The following GPC6 variants were observed in gnomAD, a reference collection of about 807,000 sequenced individuals.
GPC6 encodes the protein glypican 6.
A neutral mutation model predicts 55.2 loss-of-function variants in GPC6; 14 were observed. The observed-to-expected ratio is 0.25, with a 90% CI of 0.17 to 0.40. The LOEUF (loss-of-function observed/expected upper bound fraction) is 0.40, where lower values mean the gene tolerates loss of function less well. Ranked by LOEUF, GPC6 falls within the 10% of genes least tolerant of loss-of-function variation. The pLI is 1.00. For synonymous variants in GPC6, 278 were observed against 259.6 expected, an observed-to-expected ratio of 1.07 and a Z score of -0.68; for missense variants, 641 against 708.5, an observed-to-expected ratio of 0.90 and a Z score of 1.08.
intron 4 of GPC6, among the ~76,000 whole-genome samples, chr13:94,284,048 G>C (rs1892460539): frequency 6.6e-6 from 1 of 152,160 alleles, no homozygotes; most frequent in Non-Finnish European, 1.5e-5. Context: ...GCTTTCCTTA[G>C]CCCCAAGGTG....
At chr13:94,295,897 CT>C (rs1348577378) in intron 5 of GPC6, among the ~76,000 whole-genome samples, 1 of 151,708 alleles carries the variant, frequency 6.6e-6, no homozygotes, top group Non-Finnish European at 1.5e-5. Context: ...TTCACAGTAT[CT>C]TCTCTATTCA....
intron 3 of GPC6, among the ~76,000 whole-genome samples, chr13:94,008,018 C>G (rs374308333): frequency 1.3e-5 from 2 of 152,164 alleles, no homozygotes; most frequent in East Asian, 1.9e-4. Context: ...AATATTCATT[C>G]CAAAATATCA....
At chr13:94,128,364 C>T (rs1886895156) in intron 4 of GPC6, among the ~76,000 whole-genome samples, 1 of 152,130 alleles carries the variant, frequency 6.6e-6, no homozygotes, top group Non-Finnish European at 1.5e-5. Context: ...CACAATAGAT[C>T]ACTGTATCTG....
At chr13:94,073,628 C>G (rs978207607) in intron 4 of GPC6, among the ~76,000 whole-genome samples, 1 of 152,134 alleles carries the variant, frequency 6.6e-6, no homozygotes, top group Non-Finnish European at 1.5e-5. Flanking sequence ...TCAGATTACA[C>G]GGAGATTCTG....
chr13:93,592,206 C>T (rs1288990199), intron 2 of GPC6, among the ~76,000 whole-genome samples: 1 of 151,074 alleles, frequency 6.6e-6, no homozygotes, highest in African/African-American at 2.4e-5. Flanking sequence ...TTTTTTTGAA[C>T]TGGAGTGTTG....
intron 7 of GPC6, among the ~76,000 whole-genome samples, chr13:94,386,165 C>CT (rs1170522366): frequency 6.6e-6 from 1 of 151,942 alleles, no homozygotes; most frequent in African/African-American, 2.4e-5. Flanking sequence ...CGAGACCATC[C>CT]TGGCTAACAT....
At chr13:93,606,264 G>C (rs1318243196) in intron 2 of GPC6, among the ~76,000 whole-genome samples, 1 of 152,172 alleles carries the variant, frequency 6.6e-6, no homozygotes, top group East Asian at 1.9e-4. Flanking sequence ...AACATGTGCT[G>C]ACTTTCAATG....
intron 1 of GPC6, among the ~76,000 whole-genome samples, chr13:93,370,572 C>T (rs1881412298): frequency 6.6e-6 from 1 of 152,032 alleles, no homozygotes; most frequent in Non-Finnish European, 1.5e-5. Flanking sequence ...TCAGTTAATT[C>T]AGGGGTTCCA....
At chr13:93,444,195 C>CTTCTTTTTTTTTTTTTTTTTTTTTTT (rs755978023) in intron 1 of GPC6, among the ~76,000 whole-genome samples, 1 of 110,706 alleles carries the variant, frequency 9.0e-6, no homozygotes, top group Non-Finnish European at 1.9e-5. Flanking sequence ...TGCAATTCTT[C>CTTCTTTTTTTTTTTTTTTTTTTTTTT]TTTTTTTTTT....
At chr13:93,635,978 G>A (rs1351769940) in intron 2 of GPC6, among the ~76,000 whole-genome samples, 1 of 152,020 alleles carries the variant, frequency 6.6e-6, no homozygotes, top group Non-Finnish European at 1.5e-5. Context: ...TTCTTTCAAG[G>A]AGAGGACAAA....
chr13:93,459,818 G>T (rs1566368857), intron 1 of GPC6, among the ~76,000 whole-genome samples: 1 of 152,146 alleles, frequency 6.6e-6, no homozygotes, highest in Non-Finnish European at 1.5e-5. Flanking sequence ...TAGTGCTACT[G>T]GATTTTAATA....
intron 1 of GPC6, among the ~76,000 whole-genome samples, chr13:93,457,516 T>C (rs1397697223): frequency 6.6e-6 from 1 of 152,176 alleles, no homozygotes; most frequent in Non-Finnish European, 1.5e-5. Context: ...TTCTTAAATT[T>C]CAGTGGGGTT....
chr13:94,398,775 A>T, intron 8 of GPC6, 134 bp downstream of exon 8: 2 of 774,602 alleles, frequency 2.6e-6, no homozygotes, highest in Middle Eastern at 2.3e-4. Flanking sequence ...GATTCTTGTT[A>T]TAGTCTTTTG....
chr13:93,265,049 C>T (rs1171362231), intron 1 of GPC6, among the ~76,000 whole-genome samples: 8 of 152,030 alleles, frequency 5.3e-5, no homozygotes, highest in African/African-American at 1.9e-4. Flanking sequence ...TTAAATCTGG[C>T]CTGCTTTATT....
At chr13:93,457,030 C>T (rs1878479606) in intron 1 of GPC6, among the ~76,000 whole-genome samples, 1 of 152,170 alleles carries the variant, frequency 6.6e-6, no homozygotes, top group Non-Finnish European at 1.5e-5. Context: ...TCCTCCTTCA[C>T]TCCGCTCTCA....
At chr13:93,501,304 A>T (rs1471462898) in intron 1 of GPC6, among the ~76,000 whole-genome samples, 1 of 152,096 alleles carries the variant, frequency 6.6e-6, no homozygotes, top group Non-Finnish European at 1.5e-5. Context: ...CTGGGGGAAT[A>T]ATCAGCCCCA....
chr13:93,601,886 C>G (rs188452821), intron 2 of GPC6, among the ~76,000 whole-genome samples: 1 of 152,356 alleles, frequency 6.6e-6, no homozygotes, highest in Non-Finnish European at 1.5e-5. Context: ...ATCTGCATTT[C>G]AGCTCTTTGT....
intron 3 of GPC6, among the ~76,000 whole-genome samples, chr13:94,015,107 G>A (rs1459945328): frequency 6.6e-6 from 1 of 152,120 alleles, no homozygotes; most frequent in Non-Finnish European, 1.5e-5. Context: ...TTGAGGAACT[G>A]CCAAACTGTT....
chr13:93,708,429 A>G (rs1377709959), intron 2 of GPC6, among the ~76,000 whole-genome samples: 4 of 151,740 alleles, frequency 2.6e-5, no homozygotes, highest in Non-Finnish European at 5.9e-5. Context: ...AAATGTCTTA[A>G]ATGGCATTGT....
Sources: allele counts gnomAD v4.1 joint callset (sites outside exome capture counted in the v4.1 genomes callset), GRCh38; gene constraint gnomAD v4.1.1; transcripts MANE v1.5; gene names NCBI Gene and HGNC (gene_info 2026-07-23, HGNC 2026-07-21).